The following RNF10 variants were observed in gnomAD, a reference collection of about 807,000 sequenced individuals.
RNF10 encodes the protein ring finger protein 10, also known as E3 ubiquitin-protein ligase RNF10.
RNF10 carries 38 observed loss-of-function variants against 91.4 expected under a neutral mutation model. That is an observed-to-expected ratio of 0.42 (90% CI 0.32 to 0.54). The LOEUF is 0.54. Ranked by LOEUF, RNF10 falls within the 20% of genes least tolerant of loss-of-function variation. The pLI is 0.16. For synonymous variants in RNF10, 364 were observed against 366.3 expected, an observed-to-expected ratio of 0.99 and a Z score of 0.07; for missense variants, 945 against 1,012.0, an observed-to-expected ratio of 0.93 and a Z score of 0.90.
chr12:120,574,977 C>G (rs548472702), intron 14 of RNF10: 1 of 157,222 alleles, frequency 6.4e-6, no homozygotes, highest in South Asian at 1.8e-4. Flanking sequence ...CAGTGGCTCA[C>G]GCCTATAATC....
rs911904605 is a variant in RNF10 at position 120,566,812 on chromosome 12, C to A, written c.1886-13C>A. 4 of 1,601,924 alleles carry A rather than the reference C, an allele frequency of 2.5e-6. No homozygotes were observed. The highest frequency in any genetic ancestry group is 1.1e-5 in the South Asian group (1 of 89,528). On this transcript the variant is annotated splice_polypyrimidine_tract_variant and intron_variant, in intron 12 of 16. Transcript: ENST00000325954. ...CTGTAAATGGGTTTACAAGGGTTATCTTTCCTTTGCAGACCCAGAAGTCCA... is the reference window on the plus strand; with the variant it reads ...CTGTAAATGGGTTTACAAGGGTTATATTTCCTTTGCAGACCCAGAAGTCCA...
At chr12:120,560,414 A>G (rs1874677904) in intron 6 of RNF10, among the ~76,000 whole-genome samples, 1 of 152,058 alleles carries the variant, frequency 6.6e-6, no homozygotes, top group Admixed American at 6.6e-5. Flanking sequence ...TTGACCTCCC[A>G]AAGTGCTGGG....
At chr12:120,557,226 G>T in intron 4 of RNF10, 56 bp from the exon 5 acceptor site, 2 of 1,555,188 alleles carry the variant, frequency 1.3e-6, no homozygotes, top group South Asian at 1.2e-5. Context: ...CTAAAACTTT[G>T]ACAGTCCCTA....
intron 2 of RNF10, among the ~76,000 whole-genome samples, chr12:120,549,136 G>A (rs1872692617): frequency 6.6e-6 from 1 of 152,134 alleles, no homozygotes. Context: ...AACTCTACCA[G>A]TTCATCCCCA....
Position 120,571,237 on chromosome 12 carries a change from C to T in RNF10, c.2088C>T (p.Pro696=), listed in dbSNP as rs746856077. The change falls in exon 14 of 17, where the codon CCC becomes CCT. Residue 696 remains proline (P), a synonymous_variant. Transcript: ENST00000325954. The part of the protein sequence containing the change: ...PLSPTASQGS[P]SFCVGSLEED... ...CACCCACTGCCAGTCAGGGCAGTCCCTCATTCTGCGTTGGGAGTCTGGAAG... is the reference window on the plus strand; with the variant it reads ...CACCCACTGCCAGTCAGGGCAGTCCTTCATTCTGCGTTGGGAGTCTGGAAG... 5.0e-5 allele frequency: 81 copies of T among 1,613,984 alleles called. No individual in the cohort carries two copies. The Admixed American group carries it at 1.2e-3, about 25-fold the overall frequency.
chr12:120,571,063 T>C (rs1026464237), intron 13 of RNF10, 128 bp from the exon 14 acceptor site: 1 of 646,578 alleles, frequency 1.5e-6, no homozygotes, highest in Non-Finnish European at 2.7e-6. Flanking sequence ...TGGATCAATG[T>C]TTGCTTTTTT....
At chr12:120,561,453 G>T (rs1874829593) in intron 7 of RNF10, among the ~76,000 whole-genome samples, 1 of 152,134 alleles carries the variant, frequency 6.6e-6, no homozygotes, top group African/African-American at 2.4e-5. Context: ...AGCTCAGTAG[G>T]CTCAGTAATT....
intron 1 of RNF10, among the ~76,000 whole-genome samples, chr12:120,542,089 A>G (rs1871658230): frequency 6.6e-6 from 1 of 151,392 alleles, no homozygotes; most frequent in Admixed American, 6.6e-5. Context: ...GATGGTCTTG[A>G]TCTCCTGACC....
chr12:120,551,219 C>CAAAT (rs1873003996), intron 2 of RNF10, among the ~76,000 whole-genome samples: 2 of 149,002 alleles, frequency 1.3e-5, no homozygotes, highest in South Asian at 4.3e-4. Flanking sequence ...CTCCTGGCCT[C>CAAAT]AAATGATCCT....
At chr12:120,562,276 T>TC (rs1242950111) in intron 7 of RNF10, among the ~76,000 whole-genome samples, 1 of 141,536 alleles carries the variant, frequency 7.1e-6, no homozygotes, top group African/African-American at 2.5e-5. Flanking sequence ...TCTTTCTTTT[T>TC]TTTTTTTTTT....
At chr12:120,536,464 C>CAA (rs199838762) in intron 1 of RNF10, among the ~76,000 whole-genome samples, 28 of 151,514 alleles carry the variant, frequency 1.8e-4, no homozygotes, top group Non-Finnish European at 3.7e-4. Flanking sequence ...TTAAAACAAA[C>CAA]AAAAAAAACA....
chr12:120,552,436 G>C, intron 2 of RNF10, 63 bp from the exon 3 acceptor site: 1 of 1,410,050 alleles, frequency 7.1e-7, no homozygotes, highest in Admixed American at 2.1e-5. Context: ...GTTTTTTTTG[G>C]GTTTCTGCTA....
Position 120,562,958 on chromosome 12 carries a change from C to T in RNF10, c.1142C>T (p.Ala381Val), listed in dbSNP as rs1406827837. The T allele has an allele frequency of 6.2e-7, 1 of 1,613,932 alleles. No homozygotes were observed. The highest frequency in any genetic ancestry group is 8.5e-7 in the Non-Finnish European group (1 of 1,179,982). Residue 381 changes from alanine to valine, a missense_variant, in exon 8 of 17, where the codon GCT becomes GTT. Transcript: ENST00000325954. Reference sequence around the variant, plus strand: ...TGGCCACGTTAGACTCGGGAAGAGGCTCTGTCGGGATTGGCCGGAAGCAGA... The same window carrying T: ...TGGCCACGTTAGACTCGGGAAGAGGTTCTGTCGGGATTGGCCGGAAGCAGA... ...AIQELKTREE[A>V]LSGLAGSRRE...
chr12:120,534,696 C>T lies in RNF10; in HGVS notation c.-116C>T. 6 of 1,390,796 alleles carry T rather than the reference C, an allele frequency of 4.3e-6. No homozygotes were observed. Among genetic ancestry groups the T allele is most frequent in the Non-Finnish European group, 5.5e-6 (6 of 1,082,888 alleles). 86.2% of individuals were successfully genotyped at this position (1,390,796 alleles called of 1,614,324 possible). A position where few individuals can be genotyped will look rare whatever the true frequency, so the allele number is the denominator to read the frequency against. On this transcript the variant is annotated 5_prime_UTR_variant, in exon 1 of 17. Transcript: ENST00000325954. The stretch of plus-strand genomic sequence containing the variant: ...GGAAGGAAACAGGGAAAAATGTCGC[C>T]ATGAAGGCCGAGAACCGCTGCCGCC...
At chr12:120,567,722 C>T (rs1227883651) in intron 13 of RNF10, among the ~76,000 whole-genome samples, 2 of 149,746 alleles carry the variant, frequency 1.3e-5, no homozygotes, top group Non-Finnish European at 3.0e-5. Flanking sequence ...AAAAAAATCA[C>T]ACCTGTTAAA....
chr12:120,546,358 G>A (rs1872332922), intron 1 of RNF10, 47 bp from the exon 2 acceptor site: 8 of 1,560,058 alleles, frequency 5.1e-6, no homozygotes, highest in Non-Finnish European at 6.1e-6. Flanking sequence ...TTGGCTAAGT[G>A]AATGTATCAG....
intron 2 of RNF10, among the ~76,000 whole-genome samples, chr12:120,551,121 G>C (rs1872984570): frequency 6.6e-6 from 1 of 151,392 alleles, no homozygotes; most frequent in Non-Finnish European, 1.5e-5. Context: ...AAGTAGATGG[G>C]ACCACAGGCA....
chr12:120,537,424 T>C (rs983618637), intron 1 of RNF10, among the ~76,000 whole-genome samples: 4 of 151,942 alleles, frequency 2.6e-5, no homozygotes, highest in South Asian at 2.1e-4. Context: ...TTCAGGAGTT[T>C]GAGACCAGCC....
intron 2 of RNF10, among the ~76,000 whole-genome samples, chr12:120,551,295 T>TG (rs200843598): frequency 4.6e-5 from 6 of 131,696 alleles, no homozygotes; most frequent in African/African-American, 1.3e-4. Context: ...CTAGTGTTTT[T>TG]TTTTTTTTTT....
Sources: gnomAD v4.1 joint callset for allele counts (sites outside exome capture counted in the v4.1 genomes callset) on GRCh38, gnomAD v4.1.1 for gene constraint, MANE v1.5 for transcripts, NCBI Gene and HGNC (gene_info 2026-07-23, HGNC 2026-07-21) for gene names.